OPN5: variants seen among roughly 807,000 people sequenced by gnomAD.
OPN5 encodes the protein opsin-5.
OPN5 carries 18 observed loss-of-function variants against 41.7 expected under a neutral mutation model. The observed-to-expected ratio is 0.43, with a 90% CI of 0.30 to 0.64. OPN5 has a LOEUF of 0.64. Ranked by LOEUF, OPN5 falls within the 30% of genes least tolerant of loss-of-function variation. The pLI is 0.13. For missense variants in OPN5, 318 were observed against 434.5 expected (o/e 0.73, Z 2.38); for synonymous variants, 178 against 164.3 (o/e 1.08, Z -0.64).
exon 1 of OPN5, chr6:47,782,085 G>A: frequency 1.2e-6 from 2 of 1,613,604 alleles, no homozygotes; most frequent in South Asian, 2.2e-5. Context: ...AAATCACACT[G>A]CCCTGCCTCA....
At chr6:47,815,994 G>A (rs534666934) in intron 6 of OPN5, among the ~76,000 whole-genome samples, 1 of 152,256 alleles carries the variant, frequency 6.6e-6, no homozygotes, top group Admixed American at 6.6e-5. Flanking sequence ...CACGAGGTCT[G>A]AAATAGACAG....
chr6:47,810,061 G>A (rs546601338), intron 5 of OPN5, among the ~76,000 whole-genome samples: 1 of 152,342 alleles, frequency 6.6e-6, no homozygotes, highest in African/African-American at 2.4e-5. Context: ...GGGAGAAAGT[G>A]ACTTAGGGCC....
At chr6:47,782,231 A>G in intron 1 of OPN5, 35 bp downstream of exon 1, 1 of 1,602,548 alleles carries the variant, frequency 6.2e-7, no homozygotes, top group Non-Finnish European at 8.5e-7. Flanking sequence ...CAAAGGCTGC[A>G]TTTAGAAAAT....
intron 5 of OPN5, 50 bp downstream of exon 5, chr6:47,808,445 C>A (rs779127306): frequency 1.2e-6 from 2 of 1,603,888 alleles, no homozygotes; most frequent in South Asian, 1.1e-5. Context: ...GTTTCAAAAT[C>A]CGGCAGGGTT....
intron 4 of OPN5, among the ~76,000 whole-genome samples, chr6:47,797,551 T>G (rs563319782): frequency 2.0e-5 from 3 of 152,324 alleles, no homozygotes; most frequent in East Asian, 3.9e-4. Flanking sequence ...ACTGGGCAAA[T>G]GTACCAATGA....
chr6:47,821,066 T>TA (rs758804029), intron 6 of OPN5, among the ~76,000 whole-genome samples: 1 of 152,168 alleles, frequency 6.6e-6, no homozygotes, highest in Non-Finnish European at 1.5e-5. Context: ...CTTTTATCCT[T>TA]ATTGTCTTCA....
At chr6:47,790,966 A>G in intron 2 of OPN5, among the ~76,000 whole-genome samples, 1 of 152,218 alleles carries the variant, frequency 6.6e-6, no homozygotes, top group Non-Finnish European at 1.5e-5. Context: ...TCCCCTTTTC[A>G]TTATAAGGAA....
intron 6 of OPN5, among the ~76,000 whole-genome samples, chr6:47,821,803 T>C (rs911022635): frequency 6.6e-6 from 1 of 152,084 alleles, no homozygotes; most frequent in African/African-American, 2.4e-5. Context: ...GAATAGTTGC[T>C]ACAAATCTGC....
chr6:47,811,781 G>C, intron 6 of OPN5, 50 bp downstream of exon 6: 1 of 1,163,728 alleles, frequency 8.6e-7, no homozygotes, highest in Non-Finnish European at 1.3e-6. Context: ...TCACTTATTT[G>C]CCTCTTCACT....
intron 6 of OPN5, among the ~76,000 whole-genome samples, 174 bp from the exon 7 acceptor site, chr6:47,823,809 G>T (rs983914501): frequency 3.9e-5 from 6 of 152,136 alleles, no homozygotes; most frequent in Admixed American, 2.6e-4. Context: ...GGATGCACCT[G>T]CAAAGAGGAC....
At chr6:47,784,587 C>T (rs964209038) in intron 1 of OPN5, among the ~76,000 whole-genome samples, 6 of 152,004 alleles carry the variant, frequency 3.9e-5, no homozygotes, top group African/African-American at 1.2e-4. Context: ...CGTGAGCCAC[C>T]GCGCCTGGCC....
At position 47,811,581 on chromosome 6, in the gene OPN5, G is replaced by A. The variant is rs559229184; in HGVS notation, c.999-93G>A. 36 of 607,080 alleles carry A rather than the reference G, an allele frequency of 5.9e-5. 1 individual carries two copies. Among genetic ancestry groups the A allele is most frequent in the South Asian group, 3.2e-4 (11 of 34,482 alleles). The allele number at this position is 607,080 out of a possible 1,614,324, so 37.6% of individuals were successfully genotyped here. A position where few individuals can be genotyped will look rare whatever the true frequency, so the allele number is the denominator to read the frequency against. ...TGTGCACATAATCCTCATAGTAGTC[G>A]TTTGACATATACATATGTATGTATA... is the stretch of plus-strand genomic sequence containing the variant. On this transcript the variant is annotated intron_variant, in intron 5 of 6. Transcript: ENST00000371211.
At chr6:47,814,405 T>C (rs897357876) in intron 6 of OPN5, among the ~76,000 whole-genome samples, 2 of 152,142 alleles carry the variant, frequency 1.3e-5, no homozygotes, top group African/African-American at 4.8e-5. Flanking sequence ...TAAATGCATG[T>C]ATAAGAAAAA....
chr6:47,814,715 A>G (rs1762377589), intron 6 of OPN5, among the ~76,000 whole-genome samples: 1 of 152,140 alleles, frequency 6.6e-6, no homozygotes, highest in Non-Finnish European at 1.5e-5. Flanking sequence ...CAATGATTTG[A>G]GAAAACTCTA....
intron 4 of OPN5, among the ~76,000 whole-genome samples, chr6:47,805,479 T>C (rs1773924331): frequency 6.6e-6 from 1 of 152,042 alleles, no homozygotes; most frequent in Non-Finnish European, 1.5e-5. Context: ...AGTTCTGAAA[T>C]TCTTGGGTAG....
chr6:47,788,419 C>CTGG (rs1460158238), intron 2 of OPN5, among the ~76,000 whole-genome samples: 1 of 152,310 alleles, frequency 6.6e-6, no homozygotes, highest in East Asian at 1.9e-4. Context: ...CTTAATTGGC[C>CTGG]TGGTGCGTTG....
chr6:47,806,868 C>T (rs1464691637), intron 4 of OPN5, among the ~76,000 whole-genome samples: 1 of 152,144 alleles, frequency 6.6e-6, no homozygotes, highest in Non-Finnish European at 1.5e-5. Flanking sequence ...TTGTAACTCT[C>T]CTCAGTAGGC....
At position 47,790,118 on chromosome 6, in the gene OPN5, C is replaced by G. The variant is rs901957057; in HGVS notation, c.251-1684C>G. On this transcript the variant is annotated intron_variant, in intron 2 of 6. Coordinates refer to ENST00000371211, the Ensembl canonical transcript of OPN5. ...TATACCGTATTTGAATAAGACATAACTTAACAGAAGAAGAAAAAAAGAAAC... is the reference window on the plus strand; with the variant it reads ...TATACCGTATTTGAATAAGACATAAGTTAACAGAAGAAGAAAAAAAGAAAC... 2.0e-5 allele frequency among the ~76,000 whole-genome samples: 3 copies of G among 151,878 alleles called. No individual in the cohort carries two copies. In the South Asian group the frequency reaches 6.2e-4, roughly 32 times the overall value.
At chr6:47,791,679 A>G in intron 2 of OPN5, 123 bp from the exon 3 acceptor site, 1 of 710,876 alleles carries the variant, frequency 1.4e-6, no homozygotes, top group East Asian at 2.5e-5. Flanking sequence ...CTGTGTAATC[A>G]AGGGTGTGTG....
Sources: gnomAD v4.1 joint callset for allele counts (sites outside exome capture counted in the v4.1 genomes callset) on GRCh38, gnomAD v4.1.1 for gene constraint, MANE v1.5 for transcripts, NCBI Gene and HGNC (gene_info 2026-07-23, HGNC 2026-07-21) for gene names.